DPP10: variants seen among roughly 807,000 people sequenced by gnomAD.
The protein encoded by DPP10 is inactive dipeptidyl peptidase 10.
Under a neutral mutation model 120.9 loss-of-function variants are expected in DPP10, and 33 were observed. The ratio of observed to expected loss-of-function variants is 0.27; its 90% CI spans 0.21 to 0.37. The LOEUF (loss-of-function observed/expected upper bound fraction) is 0.37. DPP10 is among the 10% of genes least tolerant of loss of function. DPP10 has a pLI of 1.00. For synonymous variants in DPP10, 337 were observed against 326.1 expected (o/e 1.03, Z -0.36); for missense variants, 816 against 942.8 (o/e 0.87, Z 1.76).
chr2:115,323,304 C>G lies in DPP10; in HGVS notation c.175+13951C>G, dbSNP rs192702553. Reference sequence around the variant, plus strand: ...CATAAGAAAAAACTCCTCGTTCATTCAAGATTTATTTTGAGATTGCAGCAG... The same window carrying G: ...CATAAGAAAAAACTCCTCGTTCATTGAAGATTTATTTTGAGATTGCAGCAG... On this transcript the variant is annotated intron_variant, in intron 2 of 25. Coordinates refer to ENST00000410059, the MANE Select transcript of DPP10 (RefSeq NM_020868.6). 3.9e-3 allele frequency among the ~76,000 whole-genome samples: 595 copies of G among 152,286 alleles called. 4 individuals carry two copies. Among genetic ancestry groups the G allele is most frequent in the African/African-American group, 0.013 (531 of 41,570 alleles).
chr2:114,952,709 G>C (rs1697886526), intron 1 of DPP10, among the ~76,000 whole-genome samples: 2 of 152,196 alleles, frequency 1.3e-5, no homozygotes, highest in Admixed American at 1.3e-4. Flanking sequence ...TGTTGGGGAA[G>C]GGTGAGATGG....
At chr2:115,174,818 A>G (rs1047185983) in intron 1 of DPP10, among the ~76,000 whole-genome samples, 2 of 152,170 alleles carry the variant, frequency 1.3e-5, no homozygotes, top group African/African-American at 4.8e-5. Context: ...AACCCTGTGG[A>G]GCTTCCAGTG....
intron 1 of DPP10, among the ~76,000 whole-genome samples, chr2:114,456,333 G>A (rs1309470902): frequency 6.6e-6 from 1 of 152,212 alleles, no homozygotes; most frequent in East Asian, 1.9e-4. Flanking sequence ...GGACAAGTTT[G>A]CACAAATCTG....
Position 115,768,339 on chromosome 2 carries a change from A to G in DPP10, c.1156A>G (p.Met386Val), listed in dbSNP as rs779793489. ...TTCTAGAGACGGCAGCAAATTCTTT[A>G]TGACAGTGCCTGTTAAGCAAGGGGG... ...VFSRDGSKFF[M>V]TVPVKQGGRG... Residue 386 changes from methionine (M) to valine (V), a missense_variant, in exon 13 of 26, where the codon ATG becomes GTG. Met to Val is a conservative substitution (Grantham distance 21). Transcript: ENST00000410059. 6.2e-7 allele frequency: 1 copy of G among 1,613,728 alleles called. No individual in the cohort carries two copies. The highest frequency in any genetic ancestry group is 2.2e-5 in the East Asian group (1 of 44,856).
At chr2:115,468,956 AC>A (rs2074508400) in intron 3 of DPP10, 1 of 156,902 alleles carries the variant, frequency 6.4e-6, no homozygotes, top group South Asian at 6.3e-5. Context: ...TTTCATAGAT[AC>A]TTTTTTTTTT....
intron 1 of DPP10, among the ~76,000 whole-genome samples, chr2:115,300,480 T>C (rs554408435): frequency 8.0e-4 from 122 of 152,202 alleles, no homozygotes; most frequent in African/African-American, 2.8e-3. Flanking sequence ...ATTCTTTTCA[T>C]TTACCAATGA....
At chr2:114,727,871 T>C (rs1175113894) in intron 1 of DPP10, among the ~76,000 whole-genome samples, 1 of 152,214 alleles carries the variant, frequency 6.6e-6, no homozygotes, top group Non-Finnish European at 1.5e-5. Context: ...GTGTCTATTA[T>C]CTGTCTATCA....
chr2:114,902,710 G>A (rs533384036), intron 1 of DPP10, among the ~76,000 whole-genome samples: 5 of 152,176 alleles, frequency 3.3e-5, no homozygotes, highest in South Asian at 4.2e-4. Context: ...CTGATACTAC[G>A]AGCTCGCACA....
chr2:115,383,268 A>T (rs150595657), intron 3 of DPP10, among the ~76,000 whole-genome samples: 1 of 152,170 alleles, frequency 6.6e-6, no homozygotes, highest in Admixed American at 6.6e-5. Flanking sequence ...TGCTGTTCTC[A>T]TGATAGTGAA....
intron 1 of DPP10, among the ~76,000 whole-genome samples, chr2:114,750,308 T>C (rs1444407305): frequency 6.6e-6 from 1 of 151,540 alleles, no homozygotes; most frequent in African/African-American, 2.4e-5. Context: ...TTAATCAGTA[T>C]TTTAGAGGGG....
chr2:114,483,434 A>G (rs1263471187), intron 1 of DPP10, among the ~76,000 whole-genome samples: 11 of 152,114 alleles, frequency 7.2e-5, no homozygotes, highest in Admixed American at 7.2e-4. Flanking sequence ...GTATTCATGA[A>G]TAACAAAATA....
At chr2:114,600,255 T>C (rs962408966) in intron 1 of DPP10, among the ~76,000 whole-genome samples, 2 of 151,804 alleles carry the variant, frequency 1.3e-5, no homozygotes, top group Non-Finnish European at 3.0e-5. Context: ...TTATAATTTT[T>C]ATTTCTGTGT....
At chr2:115,454,317 T>G (rs1313050113) in intron 3 of DPP10, among the ~76,000 whole-genome samples, 2 of 151,660 alleles carry the variant, frequency 1.3e-5, no homozygotes, top group Non-Finnish European at 3.0e-5. Context: ...TTCATAAATG[T>G]AGAGGCGGAA....
intron 5 of DPP10, among the ~76,000 whole-genome samples, chr2:115,666,699 A>C (rs77916100): frequency 0.016 from 2,407 of 152,100 alleles, 34 homozygotes; most frequent in Non-Finnish European, 0.024. Context: ...TGCTATTGGG[A>C]ATAGTGTTGT....
intron 1 of DPP10, among the ~76,000 whole-genome samples, chr2:115,007,990 T>A: frequency 6.6e-6 from 1 of 151,826 alleles, no homozygotes; most frequent in Admixed American, 6.6e-5. Context: ...ATCGTGAAAA[T>A]GGCCATACTG....
chr2:114,542,576 A>G (rs1304128013), intron 1 of DPP10, among the ~76,000 whole-genome samples: 1 of 152,188 alleles, frequency 6.6e-6, no homozygotes, highest in Non-Finnish European at 1.5e-5. Flanking sequence ...CCCTGAGTAT[A>G]GAGGAGAATA....
intron 3 of DPP10, among the ~76,000 whole-genome samples, chr2:115,415,057 G>A (rs1717045): frequency 0.63 from 96,212 of 152,012 alleles, 31,177 homozygotes; most frequent in Middle Eastern, 0.75. Context: ...GCCTTATTCT[G>A]TTCTTTAACT....
chr2:114,772,891 G>A (rs780168636), intron 1 of DPP10, among the ~76,000 whole-genome samples: 6 of 152,136 alleles, frequency 3.9e-5, no homozygotes, highest in Non-Finnish European at 5.9e-5. Flanking sequence ...GGTTCCAGCA[G>A]ATACTTAAGT....
At chr2:115,334,235 T>TTTTTTTTTTTTTTTTTTTTTTTTTTTTG (rs1416607646) in intron 2 of DPP10, among the ~76,000 whole-genome samples, 5 of 133,148 alleles carry the variant, frequency 3.8e-5, no homozygotes, top group Admixed American at 7.8e-5. Flanking sequence ...ACTCTGTTTT[T>TTTTTTTTTTTTTTTTTTTTTTTTTTTTG]TTTTTTTTTT....
Sources: allele counts gnomAD v4.1 joint callset (sites outside exome capture counted in the v4.1 genomes callset), GRCh38; gene constraint gnomAD v4.1.1; transcripts MANE v1.5; gene names NCBI Gene and HGNC (gene_info 2026-07-23, HGNC 2026-07-21).